Variants in HTR2A observed in about 807,000 individuals in gnomAD.
The protein encoded by HTR2A is 5-hydroxytryptamine receptor 2A.
HTR2A carries 14 observed loss-of-function variants against 31.0 expected under a neutral mutation model. That is an observed-to-expected ratio of 0.45 (90% CI 0.30 to 0.71). The LOEUF (loss-of-function observed/expected upper bound fraction) is 0.71, where lower values mean the gene tolerates loss of function less well. Among genes scored for constraint, HTR2A ranks in the 30% least tolerant of loss-of-function variants. The pLI, the probability that HTR2A is intolerant of heterozygous loss-of-function variation, is 0.09. For synonymous variants in HTR2A, 209 were observed against 225.2 expected (o/e 0.93, Z 0.64); for missense variants, 442 against 573.3 (o/e 0.77, Z 2.34).
At chr13:46,860,372 C>T (rs534676773) in intron 3 of HTR2A, among the ~76,000 whole-genome samples, 1 of 152,190 alleles carries the variant, frequency 6.6e-6, no homozygotes, top group East Asian at 1.9e-4. Context: ...CATATTAAAG[C>T]AAAACCATAG....
At chr13:46,861,573 T>G (rs1301773174) in intron 3 of HTR2A, among the ~76,000 whole-genome samples, 1 of 152,226 alleles carries the variant, frequency 6.6e-6, no homozygotes, top group Non-Finnish European at 1.5e-5. Flanking sequence ...TTTGTCTGTT[T>G]GGATCTATCA....
At chr13:46,839,651 G>C (rs940806286) in intron 3 of HTR2A, among the ~76,000 whole-genome samples, 8 of 152,158 alleles carry the variant, frequency 5.3e-5, no homozygotes, top group African/African-American at 1.9e-4. Context: ...TTTTTCTGAA[G>C]AGTGGAAAAC....
rs566246060 is a variant in HTR2A at position 46,858,357 on chromosome 13, T to C, written c.614-22718A>G. Among the ~76,000 whole-genome samples, 5 of 149,248 alleles carry C rather than the reference T, an allele frequency of 3.4e-5. No homozygotes were observed. The South Asian group carries it at 6.5e-4, about 19-fold the overall frequency. ...CTGAGCTGCCTTGAAGGATGAAGAG[T>C]AGTGGGAGGGGGTGTGGCAGGAAAT... On this transcript the variant is annotated intron_variant, in intron 3 of 3. Transcript: ENST00000542664.
intron 3 of HTR2A, among the ~76,000 whole-genome samples, chr13:46,869,560 A>T (rs1361553934): frequency 6.6e-6 from 1 of 152,146 alleles, no homozygotes; most frequent in Non-Finnish European, 1.5e-5. Flanking sequence ...ATGACCCAGT[A>T]ATTCCACTCC....
intron 3 of HTR2A, among the ~76,000 whole-genome samples, chr13:46,851,024 T>C (rs1312476967): frequency 6.6e-6 from 1 of 152,152 alleles, no homozygotes; most frequent in East Asian, 1.9e-4. Flanking sequence ...AGAAACCCTT[T>C]GAAAAGGAGT....
In HTR2A at chr13:46,845,132, T is replaced by C. The variant is rs527523545; in HGVS notation, c.614-9493A>G. On this transcript the variant is annotated intron_variant, in intron 3 of 3. Coordinates refer to ENST00000542664, the MANE Select transcript of HTR2A (RefSeq NM_000621.5). Reference sequence around the variant, plus strand: ...TATAATCATGATGTCTAAGATCTTATAGGGAAAACAAAATATACACAATTG... The same window carrying C: ...TATAATCATGATGTCTAAGATCTTACAGGGAAAACAAAATATACACAATTG... Among the ~76,000 whole-genome samples, 4 of 152,180 alleles carry C rather than the reference T, an allele frequency of 2.6e-5. No homozygotes were observed. In the East Asian group the frequency reaches 7.7e-4, roughly 29 times the overall value.
At chr13:46,853,551 T>G (rs1950706443) in intron 3 of HTR2A, among the ~76,000 whole-genome samples, 1 of 152,130 alleles carries the variant, frequency 6.6e-6, no homozygotes, top group Non-Finnish European at 1.5e-5. Flanking sequence ...TATCAGGCTG[T>G]TTTAAACCTC....
rs748483027 is a variant in HTR2A, at chr13:46,895,891, C to T, written c.16G>A (p.Glu6Lys). 5 of 1,610,562 alleles carry T rather than the reference C, an allele frequency of 3.1e-6. No homozygotes were observed. Among genetic ancestry groups the T allele is most frequent in the Non-Finnish European group, 4.2e-6 (5 of 1,178,114 alleles). MDILC[E>K]ENTSLSSTTN... The stretch of plus-strand genomic sequence containing the variant: ...GTTGAGCTCAAAGAAGTATTTTCTT[C>T]ACAAAGAATATCCATGTCTAAGCCA... Residue 6 changes from glutamate (E) to lysine (K), a missense_variant, in exon 2 of 4, where the codon GAA (glutamate) becomes AAA (lysine). This residue lies in a region of HTR2A where 83 missense variants were observed against 84.8 expected (regional missense o/e 0.98). Coordinates refer to ENST00000542664, the MANE Select transcript of HTR2A (RefSeq NM_000621.5). The surrounding 1 kb of genome is among the most constrained non-coding windows in gnomAD (Gnocchi z 4.4).
chr13:46,876,925 G>C (rs2088826380), intron 3 of HTR2A, among the ~76,000 whole-genome samples: 1 of 152,112 alleles, frequency 6.6e-6, no homozygotes, highest in Non-Finnish European at 1.5e-5. Context: ...CAGGTGAATG[G>C]ATCCAGGAAA....
chr13:46,844,756 ACT>A (rs977996046), intron 3 of HTR2A, among the ~76,000 whole-genome samples: 2 of 152,152 alleles, frequency 1.3e-5, no homozygotes, highest in African/African-American at 4.8e-5. Flanking sequence ...TTGCCTCCAG[ACT>A]CTGTTAATCA....
intron 3 of HTR2A, among the ~76,000 whole-genome samples, chr13:46,887,915 T>C (rs1471524016): frequency 1.2e-5 from 1 of 82,412 alleles, no homozygotes; most frequent in Non-Finnish European, 2.4e-5. Context: ...GGCCTGTTGG[T>C]GGGGGGAGGT....
At chr13:46,861,411 A>G (rs1182106647) in intron 3 of HTR2A, among the ~76,000 whole-genome samples, 1 of 152,200 alleles carries the variant, frequency 6.6e-6, no homozygotes, top group African/African-American at 2.4e-5. Flanking sequence ...TTCAGACATG[A>G]CCCAGCTACA....
At chr13:46,889,694 T>C (rs566574035) in intron 3 of HTR2A, among the ~76,000 whole-genome samples, 2 of 152,348 alleles carry the variant, frequency 1.3e-5, no homozygotes, top group East Asian at 1.9e-4. Context: ...AGTTAGATCA[T>C]ATTTTAAAAT....
At chr13:46,873,017 C>T (rs1402032397) in intron 3 of HTR2A, among the ~76,000 whole-genome samples, 1 of 152,188 alleles carries the variant, frequency 6.6e-6, no homozygotes, top group East Asian at 1.9e-4. Flanking sequence ...AGTAGCTGGG[C>T]GTGAGCCACC....
chr13:46,839,336 C>A lies in HTR2A; in HGVS notation c.614-3697G>T, dbSNP rs565691270. The stretch of plus-strand genomic sequence containing the variant: ...ATAACCAGAAAGTTAAAGTAATACT[C>A]TATAAAGAGGAGAGGAAATTTTATG... On this transcript the variant is annotated intron_variant, in intron 3 of 3. Transcript: ENST00000542664. Among the ~76,000 whole-genome samples, 5 of 152,240 alleles carry A rather than the reference C, an allele frequency of 3.3e-5. No homozygotes were observed. In the South Asian group the frequency reaches 1.0e-3, roughly 32 times the overall value.
At chr13:46,873,217 A>T (rs1181390418) in intron 3 of HTR2A, among the ~76,000 whole-genome samples, 1 of 151,336 alleles carries the variant, frequency 6.6e-6, no homozygotes, top group African/African-American at 2.4e-5. Context: ...AATAGTTAAA[A>T]TGTCCTATCA....
chr13:46,859,581 G>A (rs1233585988), intron 3 of HTR2A, among the ~76,000 whole-genome samples: 4 of 152,054 alleles, frequency 2.6e-5, no homozygotes, highest in Non-Finnish European at 5.9e-5. Flanking sequence ...GCTGTTTCAT[G>A]AGAGAGTTCT....
At chr13:46,878,362 A>C (rs1360986914) in intron 3 of HTR2A, among the ~76,000 whole-genome samples, 1 of 152,206 alleles carries the variant, frequency 6.6e-6, no homozygotes, top group Non-Finnish European at 1.5e-5. Flanking sequence ...AGATGCTAAG[A>C]CAGCCTTCAG....
intron 3 of HTR2A, among the ~76,000 whole-genome samples, chr13:46,862,584 G>A (rs967849560): frequency 1.8e-4 from 28 of 152,260 alleles, no homozygotes; most frequent in Middle Eastern, 3.4e-3. Flanking sequence ...AAATAGAAAA[G>A]AGAAACAGGA....
Sources: allele counts gnomAD v4.1 joint callset (sites outside exome capture counted in the v4.1 genomes callset), GRCh38; gene constraint gnomAD v4.1.1; regional missense constraint gnomAD v4.1.1; non-coding constraint Gnocchi (gnomAD v3.1); transcripts MANE v1.5; gene names NCBI Gene and HGNC (gene_info 2026-07-23, HGNC 2026-07-21).